The following SLC30A9 variants were observed in gnomAD, a reference collection of about 807,000 sequenced individuals.
SLC30A9 encodes the protein solute carrier family 30 member 9.
Under a neutral mutation model 87.5 loss-of-function variants are expected in SLC30A9, and 58 were observed. That is an observed-to-expected ratio of 0.66 (90% CI 0.54 to 0.82). SLC30A9 has a LOEUF of 0.82. Ranked by LOEUF, SLC30A9 falls within the 40% of genes least tolerant of loss-of-function variation. SLC30A9 has a pLI of 0.00. For missense variants in SLC30A9, 557 were observed against 679.1 expected (o/e 0.82, Z 2.00); for synonymous variants, 234 against 233.0 (o/e 1.00, Z -0.04).
chr4:42,034,175 A>C (rs920206208), intron 6 of SLC30A9, among the ~76,000 whole-genome samples: 4 of 152,144 alleles, frequency 2.6e-5, no homozygotes, highest in Non-Finnish European at 4.4e-5. Flanking sequence ...TATCAGGCTT[A>C]GTTAACTTTT....
intron 6 of SLC30A9, 92 bp from the exon 7 acceptor site, chr4:42,035,183 A>G: frequency 7.6e-7 from 1 of 1,316,130 alleles, no homozygotes; most frequent in Non-Finnish European, 1.1e-6. Flanking sequence ...AGTAGCGCAT[A>G]TTTAACATAG....
Position 42,018,374 on chromosome 4 carries a change from A to T in SLC30A9, c.334+204A>T, listed in dbSNP as rs772397841. The T allele has an allele frequency of 1.2e-5, 15 of 1,232,292 alleles. No homozygotes were observed. The East Asian group carries it at 4.0e-4, about 33-fold the overall frequency. The allele number at this position is 1,232,292 out of a possible 1,614,324, so 76.3% of individuals were successfully genotyped here. A position where few individuals can be genotyped will look rare whatever the true frequency, so the allele number is the denominator to read the frequency against. ...TAAATTTATTTTGCATTTTTGTCAC[A>T]AATTTTTTCAAAAGCCCAAGAAAGG... On this transcript the variant is annotated intron_variant, in intron 3 of 17. Coordinates refer to ENST00000264451, the MANE Select transcript of SLC30A9 (RefSeq NM_006345.4).
Position 42,054,910 on chromosome 4 carries a change from C to T in SLC30A9, c.841-5281C>T, listed in dbSNP as rs116023443. On this transcript the variant is annotated intron_variant, in intron 9 of 17. Coordinates refer to ENST00000264451, the MANE Select transcript of SLC30A9 (RefSeq NM_006345.4). ...CAAAATATTTAAAGATGAAATGGTA[C>T]GATGCTTGGAATTTACTTCAAAATA... 6.4e-3 allele frequency among the ~76,000 whole-genome samples: 970 copies of T among 152,092 alleles called. 14 individuals are homozygous for T. The highest frequency in any genetic ancestry group is 0.022 in the African/African-American group (932 of 41,500).
chr4:42,061,913 T>A lies in SLC30A9; in HGVS notation c.897-1073T>A, dbSNP rs534968490. Among the ~76,000 whole-genome samples the A allele has an allele frequency of 2.3e-4, 24 of 102,622 alleles. No homozygotes were observed. The East Asian group carries it at 2.6e-3, about 11-fold the overall frequency. The allele number at this position is 102,622 out of a possible 152,430, so 67.3% of individuals were successfully genotyped here. ...GAAACTCCGTTTCAAAAAAAAAAAA[T>A]GTCGGGCGCGGTGGCCCACGCCTGT... On this transcript the variant is annotated intron_variant, in intron 10 of 17. Transcript: ENST00000264451.
chr4:42,041,388 G>A (rs888456516), intron 8 of SLC30A9, among the ~76,000 whole-genome samples: 6 of 152,054 alleles, frequency 3.9e-5, no homozygotes, highest in Non-Finnish European at 5.9e-5. Context: ...AGGTTCAAGC[G>A]ATTCTCCTTG....
intron 9 of SLC30A9, among the ~76,000 whole-genome samples, chr4:42,055,272 T>G (rs1717557075): frequency 6.6e-6 from 1 of 152,264 alleles, no homozygotes; most frequent in Non-Finnish European, 1.5e-5. Context: ...TTTTAAAATT[T>G]TAATTCATTG....
rs1714372873 is a variant in SLC30A9, at chr4:41,990,550, G to C, written c.-102G>C. The C allele has an allele frequency of 3.1e-6, 2 of 647,592 alleles. No individual in the cohort carries two copies. Among genetic ancestry groups the C allele is most frequent in the Admixed American group, 3.3e-5 (1 of 30,102 alleles). The allele number at this position is 647,592 out of a possible 1,614,324, so 40.1% of individuals were successfully genotyped here. ...CACCCAGGCAGCTTGTGGCGGCGAAGCCATCGGTGTTCGCTGATGTCCAGT... is the reference window on the plus strand; with the variant it reads ...CACCCAGGCAGCTTGTGGCGGCGAACCCATCGGTGTTCGCTGATGTCCAGT... On this transcript the variant is annotated 5_prime_UTR_variant, in exon 1 of 18. Coordinates refer to ENST00000264451, the MANE Select transcript of SLC30A9 (RefSeq NM_006345.4).
rs1344979830 is a variant in SLC30A9 at position 42,088,801 on chromosome 4, C to T, written c.*2675C>T. ...CATGAGATTTGGTGGGGACAAAGATCCAAAGCATATCAGCATCTGTAGTCA... is the reference window on the plus strand; with the variant it reads ...CATGAGATTTGGTGGGGACAAAGATTCAAAGCATATCAGCATCTGTAGTCA... On this transcript the variant is annotated 3_prime_UTR_variant, in exon 18 of 18. Transcript: ENST00000264451. 6.6e-6 allele frequency: 1 copy of T among 152,012 alleles called. No homozygotes were observed. Among genetic ancestry groups the T allele is most frequent in the Non-Finnish European group, 1.5e-5 (1 of 68,014 alleles). 9.4% of individuals were successfully genotyped at this position (152,012 alleles called of 1,614,324 possible).
At chr4:42,046,136 T>A (rs986772962) in intron 8 of SLC30A9, among the ~76,000 whole-genome samples, 1 of 152,282 alleles carries the variant, frequency 6.6e-6, no homozygotes, top group Non-Finnish European at 1.5e-5. Flanking sequence ...TCATACTGAA[T>A]GGGCAGTAGC....
At chr4:42,066,529 A>G in intron 12 of SLC30A9, 21 bp from the exon 13 acceptor site, 1 of 1,552,324 alleles carries the variant, frequency 6.4e-7, no homozygotes, top group Non-Finnish European at 8.8e-7. Flanking sequence ...TGTCTTGCTG[A>G]TATGAATGCT....
At chr4:42,073,903 A>C (rs1560560443) in intron 15 of SLC30A9, among the ~76,000 whole-genome samples, 1 of 152,218 alleles carries the variant, frequency 6.6e-6, no homozygotes, top group Non-Finnish European at 1.5e-5. Context: ...GGGATTGATC[A>C]TATGGGAGCC....
chr4:42,075,197 C>T (rs1384035532), intron 15 of SLC30A9, among the ~76,000 whole-genome samples: 2 of 147,652 alleles, frequency 1.4e-5, no homozygotes, highest in Non-Finnish European at 3.0e-5. Flanking sequence ...TCTCAGCCTC[C>T]TGAGTAGCTG....
chr4:42,084,028 A>C (rs1718831551), intron 17 of SLC30A9, among the ~76,000 whole-genome samples: 1 of 152,206 alleles, frequency 6.6e-6, no homozygotes, highest in Non-Finnish European at 1.5e-5. Context: ...TTATAACTGG[A>C]TGCCTTTAAT....
intron 2 of SLC30A9, among the ~76,000 whole-genome samples, chr4:42,002,390 G>A (rs995662471): frequency 6.6e-6 from 1 of 151,780 alleles, no homozygotes; most frequent in African/African-American, 2.4e-5. Context: ...AGTCAGCATA[G>A]TACCAAATAG....
intron 6 of SLC30A9, among the ~76,000 whole-genome samples, chr4:42,026,156 A>G (rs11737091): frequency 0.66 from 99,855 of 151,788 alleles, 36,395 homozygotes; most frequent in East Asian, 0.96. Flanking sequence ...TATAAAGAGG[A>G]CTGCACTTAA....
intron 7 of SLC30A9, 98 bp downstream of exon 7, chr4:42,035,431 T>A: frequency 7.3e-7 from 1 of 1,372,274 alleles, no homozygotes. Context: ...GATCTCAATC[T>A]AAGATTTTCT....
intron 2 of SLC30A9, among the ~76,000 whole-genome samples, chr4:42,003,705 A>G (rs1047257217): frequency 6.6e-6 from 1 of 152,102 alleles, no homozygotes; most frequent in Admixed American, 6.5e-5. Flanking sequence ...ATAGTTAAAC[A>G]TATTTCTACC....
At chr4:42,026,973 G>A (rs2153136109) in intron 6 of SLC30A9, among the ~76,000 whole-genome samples, 1 of 151,902 alleles carries the variant, frequency 6.6e-6, no homozygotes, top group African/African-American at 2.4e-5. Flanking sequence ...TTATAGTTTT[G>A]GATCTTAGTG....
rs570407117 is a variant in SLC30A9, at chr4:42,034,954, G to T, written c.611-321G>T. ...CAATCCTTGTTATTTTCTGTTTCTT[G>T]TTTTTTTAATAGTAGCCATCCTAAT... On this transcript the variant is annotated intron_variant, in intron 6 of 17. Coordinates refer to ENST00000264451, the MANE Select transcript of SLC30A9 (RefSeq NM_006345.4). Among the ~76,000 whole-genome samples, 9 of 151,830 alleles carry T rather than the reference G, an allele frequency of 5.9e-5. No homozygotes were observed. The South Asian group carries it at 1.9e-3, about 32-fold the overall frequency.
Sources: allele counts gnomAD v4.1 joint callset (sites outside exome capture counted in the v4.1 genomes callset), GRCh38; gene constraint gnomAD v4.1.1; transcripts MANE v1.5; gene names NCBI Gene and HGNC (gene_info 2026-07-23, HGNC 2026-07-21).